Variants in MYRF observed in about 807,000 individuals in gnomAD.
MYRF encodes the protein myelin regulatory factor.
A neutral mutation model predicts 126.3 loss-of-function variants in MYRF; 16 were observed. That is an observed-to-expected ratio of 0.13 (90% CI 0.09 to 0.19). The LOEUF (loss-of-function observed/expected upper bound fraction) is 0.19, where lower values mean the gene tolerates loss of function less well. MYRF is among the 10% of genes least tolerant of loss of function. The probability of loss-of-function intolerance (pLI) is 1.00; values close to 1 mark genes in which losing one functional copy is unlikely to be tolerated. For missense variants in MYRF, 1,104 were observed against 1,547.0 expected, an observed-to-expected ratio of 0.71 and a Z score of 4.80; for synonymous variants, 608 against 635.3, an observed-to-expected ratio of 0.96 and a Z score of 0.65.
At chr11:61,772,076 G>A (rs777225528) in intron 7 of MYRF, 124 bp downstream of exon 7, 276 of 1,387,598 alleles carry the variant, frequency 2.0e-4, no homozygotes, top group Non-Finnish European at 2.3e-4. Flanking sequence ...GAGCAAACAG[G>A]CTCAGGGAAG....
At position 61,784,011 on chromosome 11, in the gene MYRF, C is replaced by T; in HGVS notation, c.3194+86C>T. ...GCCTCAGAACAGCCGAGTCTGAGGA[C>T]AGCCGGAGAGTCTCTGGTATTTCCT... On this transcript the variant is annotated intron_variant, in intron 24 of 26. Coordinates refer to ENST00000278836, the MANE Select transcript of MYRF (RefSeq NM_001127392.3). 4.2e-6 allele frequency: 6 copies of T among 1,444,560 alleles called. No individual in the cohort carries two copies. The South Asian group carries it at 6.1e-5, about 15-fold the overall frequency. 89.5% of individuals were successfully genotyped at this position (1,444,560 alleles called of 1,614,324 possible). A position where few individuals can be genotyped will look rare whatever the true frequency, so the allele number is the denominator to read the frequency against.
Position 61,776,688 on chromosome 11 carries a change from G to A in MYRF, c.1500-99G>A. 1 of 1,008,328 alleles carries A rather than the reference G, an allele frequency of 9.9e-7. No individual in the cohort carries two copies. The highest frequency in any genetic ancestry group is 1.5e-6 in the Non-Finnish European group (1 of 686,910). 62.5% of individuals were successfully genotyped at this position (1,008,328 alleles called of 1,614,324 possible). ...TGGTGGAGGCTCGGGTTCCTCCTCT[G>A]TAGGAGGGGGTGAGATGAACATGCA... is the stretch of plus-strand genomic sequence containing the variant. On this transcript the variant is annotated intron_variant, in intron 10 of 26. Coordinates refer to ENST00000278836, the MANE Select transcript of MYRF (RefSeq NM_001127392.3). This position sits in a 1 kb window ranked among gnomAD's most constrained non-coding sequence, Gnocchi z 4.3.
chr11:61,783,263 T>C lies in MYRF; in HGVS notation c.3017-235T>C, dbSNP rs2066600180. The C allele has an allele frequency of 4.7e-6, 2 of 422,974 alleles. No homozygotes were observed. The highest frequency in any genetic ancestry group is 7.1e-5 in the Admixed American group (2 of 28,282). The allele number at this position is 422,974 out of a possible 1,614,324, so 26.2% of individuals were successfully genotyped here. On this transcript the variant is annotated intron_variant, in intron 22 of 26. Transcript: ENST00000278836. This position sits in a 1 kb window ranked among gnomAD's most constrained non-coding sequence, Gnocchi z 4.6. ...AGGGGATGTGAAGACCCATCCCTAC[T>C]TCTGGGTGTTCCAGTTCTTTTGAGG...
chr11:61,760,489 G>T (rs1000238769), intron 1 of MYRF, among the ~76,000 whole-genome samples: 2 of 152,178 alleles, frequency 1.3e-5, no homozygotes, highest in African/African-American at 4.8e-5. Context: ...ACTGTGCTGT[G>T]CATGTGTAAG....
chr11:61,781,602 A>C lies in MYRF; in HGVS notation c.2794A>C (p.Thr932Pro). ...GPSQMALLPV[T>P]NIRAKSWGLS... is the part of the protein sequence containing the mutation. Reference sequence around the variant, plus strand: ...CAGCCAGATGGCCCTTCTGCCAGTCACCAACATCAGAGCCAAGTCCTGGGG... The same window carrying C: ...CAGCCAGATGGCCCTTCTGCCAGTCCCCAACATCAGAGCCAAGTCCTGGGG... The change falls in exon 22 of 27, where the codon ACC becomes CCC. Residue 932 changes from threonine to proline, a missense_variant. Physicochemically the swap from Thr to Pro is conservative, Grantham distance 38 (BLOSUM62 -1). Transcript: ENST00000278836. 1 of 1,613,848 alleles carries C rather than the reference A, an allele frequency of 6.2e-7. No homozygotes were observed. The highest frequency in any genetic ancestry group is 8.5e-7 in the Non-Finnish European group (1 of 1,179,990).
At chr11:61,785,026 C>T (rs1201239579) in intron 25 of MYRF, 2 of 152,790 alleles carry the variant, frequency 1.3e-5, no homozygotes, top group Non-Finnish European at 2.9e-5. Flanking sequence ...GGGGCCCCAT[C>T]TGTCCCAGGC....
Position 61,772,322 on chromosome 11 carries a change from A to G in MYRF, c.1115+370A>G, listed in dbSNP as rs558598415. 3.9e-5 allele frequency among the ~76,000 whole-genome samples: 6 copies of G among 151,996 alleles called. No homozygotes were observed. The East Asian group carries it at 9.7e-4, about 25-fold the overall frequency. On this transcript the variant is annotated intron_variant, in intron 7 of 26. Transcript: ENST00000278836. ...AGCCCCCTCCCTAGAGGGAGGGAGGAGGGGCTGGGGAGGATCCGGTCAGAG... is the reference window on the plus strand; with the variant it reads ...AGCCCCCTCCCTAGAGGGAGGGAGGGGGGGCTGGGGAGGATCCGGTCAGAG...
chr11:61,784,269 C>A lies in MYRF; in HGVS notation c.3195-11C>A. ...GAACCTCATTTCTCTGCTAACTGGG[C>A]CTGTCTACAGCTCCTCCTCCCCCGT... On this transcript the variant is annotated splice_polypyrimidine_tract_variant and intron_variant, in intron 24 of 26. Coordinates refer to ENST00000278836, the MANE Select transcript of MYRF (RefSeq NM_001127392.3). 5.6e-6 allele frequency: 9 copies of A among 1,612,434 alleles called. No individual in the cohort carries two copies. The highest frequency in any genetic ancestry group is 7.6e-6 in the Non-Finnish European group (9 of 1,179,088).
chr11:61,771,900 C>T lies in MYRF; in HGVS notation c.1063C>T (p.Pro355Ser), dbSNP rs200349251. 4.4e-5 allele frequency: 71 copies of T among 1,614,166 alleles called. No homozygotes were observed. The highest frequency in any genetic ancestry group is 3.3e-4 in the Admixed American group (20 of 60,028). The part of the protein sequence containing the change: ...DPNYQSIKWQ[P>S]HQQNKWATLY... ...CAACTACCAGTCCATCAAGTGGCAG[C>T]CTCATCAGCAGAACAAGTGGGCGAC... The change falls in exon 7 of 27, where the codon CCT becomes TCT. Residue 355 changes from proline to serine, a missense_variant. Physicochemically the swap from Pro to Ser is moderately conservative, Grantham distance 74. This residue lies in a region of MYRF where 87 missense variants were observed against 129.2 expected (regional missense o/e 0.67). Transcript: ENST00000278836.
intron 1 of MYRF, among the ~76,000 whole-genome samples, chr11:61,763,670 C>T (rs1387849278): frequency 1.3e-5 from 2 of 152,124 alleles, no homozygotes; most frequent in Non-Finnish European, 1.5e-5. Flanking sequence ...TCAAGACCAG[C>T]CTGGCCAACA....
chr11:61,771,942 T>C lies in MYRF; in HGVS notation c.1105T>C (p.Tyr369His). 1 of 1,613,960 alleles carries C rather than the reference T, an allele frequency of 6.2e-7. No individual in the cohort carries two copies. Among genetic ancestry groups the C allele is most frequent in the Non-Finnish European group, 8.5e-7 (1 of 1,179,952 alleles). ...GTGGGCGACCCTGTACGATGCTAAC[T>C]ACAAGGAGCTGTGAGTGCCCTACAA... ...NKWATLYDAN[Y>H]KELPMLTYRV... Residue 369 changes from tyrosine to histidine, a missense_variant, in exon 7 of 27, where the codon TAC (tyrosine) becomes CAC (histidine). Coordinates refer to ENST00000278836, the MANE Select transcript of MYRF (RefSeq NM_001127392.3).
chr11:61,755,549 C>A, intron 1 of MYRF: 1 of 1,383,570 alleles, frequency 7.2e-7, no homozygotes. Context: ...CTGGTGCAGG[C>A]TGGACCACTG....
intron 16 of MYRF, 124 bp downstream of exon 16, chr11:61,779,694 C>A: frequency 8.3e-7 from 1 of 1,202,794 alleles, no homozygotes. Context: ...ACTCTGTAGC[C>A]CTCCCAGCCC....
intron 1 of MYRF, among the ~76,000 whole-genome samples, chr11:61,761,422 G>A (rs191677688): frequency 9.1e-4 from 138 of 152,292 alleles, no homozygotes; most frequent in African/African-American, 3.2e-3. Flanking sequence ...AGAGAAGAGC[G>A]GAGCGGAGGG....
Position 61,776,272 on chromosome 11 carries a change from T to C in MYRF, c.1389-50T>C, listed in dbSNP as rs762696543. ...CCTGGGTGCCCCTCAGTGGCGTGGC[T>C]CTTGCAGCCTCCCTCCCTGCCCCCT... On this transcript the variant is annotated intron_variant, in intron 9 of 26. Coordinates refer to ENST00000278836, the MANE Select transcript of MYRF (RefSeq NM_001127392.3). The surrounding 1 kb of genome is among the most constrained non-coding windows in gnomAD (Gnocchi z 4.3). The C allele has an allele frequency of 1.4e-5, 22 of 1,577,960 alleles. No individual in the cohort carries two copies. The Admixed American group carries it at 3.8e-4, about 27-fold the overall frequency.
rs1021443183 is a variant in MYRF at position 61,786,053 on chromosome 11, T to G, written c.3376-10T>G. 6 of 1,614,128 alleles carry G rather than the reference T, an allele frequency of 3.7e-6. No homozygotes were observed. The highest frequency in any genetic ancestry group is 4.5e-5 in the East Asian group (2 of 44,888). On this transcript the variant is annotated splice_polypyrimidine_tract_variant and intron_variant, in intron 26 of 26. Transcript: ENST00000278836. This position sits in a 1 kb window ranked among gnomAD's most constrained non-coding sequence, Gnocchi z 4.5. ...GAGCCACCTCACCTTCCCACTGCCC[T>G]TCCACCCAGGGTCAGGCCAACTGCA...
chr11:61,779,108 A>C, intron 14 of MYRF, 155 bp from the exon 15 acceptor site: 2 of 762,734 alleles, frequency 2.6e-6, no homozygotes, highest in African/African-American at 3.5e-5. Context: ...GCTGGATTGG[A>C]GGGGCCCGCC....
intron 3 of MYRF, among the ~76,000 whole-genome samples, chr11:61,768,969 G>A (rs542939916): frequency 2.6e-5 from 4 of 152,244 alleles, no homozygotes; most frequent in South Asian, 2.1e-4. Flanking sequence ...GGTCTGGGGC[G>A]GGAGTCTTTG....
intron 1 of MYRF, chr11:61,755,738 G>A (rs1401958036): frequency 3.2e-6 from 2 of 634,644 alleles, no homozygotes; most frequent in East Asian, 3.2e-5. Context: ...GGCCGAGCCT[G>A]GAAGGGGTGC....
Sources: gnomAD v4.1 joint callset for allele counts (sites outside exome capture counted in the v4.1 genomes callset) on GRCh38, gnomAD v4.1.1 for gene constraint, gnomAD v4.1.1 regional missense constraint, Gnocchi (gnomAD v3.1) non-coding constraint, MANE v1.5 for transcripts, NCBI Gene and HGNC (gene_info 2026-07-23, HGNC 2026-07-21) for gene names.